The following TPO variants were observed in gnomAD, a reference collection of about 807,000 sequenced individuals.
TPO encodes thyroid microsomal antigen.
In TPO, 78 loss-of-function variants were observed where a neutral mutation model predicts 96.9. That is an observed-to-expected ratio of 0.81 (90% CI 0.67 to 0.97). The LOEUF (loss-of-function observed/expected upper bound fraction) is 0.97, where lower values mean the gene tolerates loss of function less well. Among genes scored for constraint, TPO ranks in the 50% least tolerant of loss-of-function variants. TPO has a pLI of 0.00. For missense variants in TPO, 1,252 were observed against 1,274.8 expected, an observed-to-expected ratio of 0.98 and a Z score of 0.27; for synonymous variants, 547 against 538.0, an observed-to-expected ratio of 1.02 and a Z score of -0.23.
chr2:1,537,083 C>T (rs1322693591), intron 15 of TPO, among the ~76,000 whole-genome samples: 1 of 71,428 alleles, frequency 1.4e-5, no homozygotes, highest in Non-Finnish European at 2.8e-5. Flanking sequence ...TGCAACCTCA[C>T]CAAATCCGTC....
intron 6 of TPO, among the ~76,000 whole-genome samples, chr2:1,454,415 A>G (rs1380510202): frequency 6.6e-6 from 1 of 152,244 alleles, no homozygotes; most frequent in Non-Finnish European, 1.5e-5. Flanking sequence ...GGTGGGACTC[A>G]GGTCTGACTC....
chr2:1,447,711 A>T (rs1471175921), intron 5 of TPO, among the ~76,000 whole-genome samples: 4 of 152,124 alleles, frequency 2.6e-5, no homozygotes, highest in African/African-American at 9.7e-5. Context: ...GTCTATATAG[A>T]GGGGTGTGTG....
intron 10 of TPO, among the ~76,000 whole-genome samples, chr2:1,493,336 A>C (rs931346732): frequency 6.6e-6 from 1 of 152,108 alleles, no homozygotes; most frequent in Non-Finnish European, 1.5e-5. Context: ...GGGCAATAAC[A>C]GGAATGCACT....
intron 1 of TPO, among the ~76,000 whole-genome samples, chr2:1,389,673 A>G (rs1661966060): frequency 1.3e-5 from 2 of 152,008 alleles, no homozygotes; most frequent in East Asian, 1.9e-4. Flanking sequence ...CTGTCCCCAG[A>G]GCCACTCCTG....
At chr2:1,399,889 T>C (rs1662139664) in intron 1 of TPO, among the ~76,000 whole-genome samples, 1 of 152,222 alleles carries the variant, frequency 6.6e-6, no homozygotes, top group South Asian at 2.1e-4. Flanking sequence ...GAAATCTTAC[T>C]TGTTATTTGA....
rs539524426 is a variant in TPO at position 1,383,729 on chromosome 2, A to G, written n.180+9327A>G. 4.9e-3 allele frequency among the ~76,000 whole-genome samples: 753 copies of G among 152,296 alleles called. 8 individuals carry two copies. Among genetic ancestry groups the G allele is most frequent in the South Asian group, 0.014 (67 of 4,832 alleles). The stretch of plus-strand genomic sequence containing the variant: ...TGTGCAGAAGCTCTTTAGTTTAATT[A>G]GATCCCATTTGTCAATTTTGGCTTT... On this transcript the variant is annotated intron_variant and non_coding_transcript_variant, in intron 1 of 5. Coordinates refer to the TPO transcript ENST00000497517.
chr2:1,402,358 C>T (rs1349466285), intron 1 of TPO, among the ~76,000 whole-genome samples: 1 of 152,102 alleles, frequency 6.6e-6, no homozygotes, highest in African/African-American at 2.4e-5. Flanking sequence ...TGCCTGGCCC[C>T]GTGGAATCTC....
intron 2 of TPO, among the ~76,000 whole-genome samples, chr2:1,421,024 G>A (rs189553300): frequency 1.5e-4 from 23 of 152,062 alleles, no homozygotes; most frequent in East Asian, 3.9e-4. Flanking sequence ...GAAAACGGGC[G>A]TTTGGGAGAG....
rs1671339186 is a variant in TPO at position 1,488,000 on chromosome 2, G to A, written c.1768+9G>A. The A allele has an allele frequency of 6.2e-7, 1 of 1,612,538 alleles. No homozygotes were observed. Among genetic ancestry groups the A allele is most frequent in the South Asian group, 1.1e-5 (1 of 91,016 alleles). ...GGACCACGGGCTGCCAGGTCTGCCA[G>A]TTCCTTCCCTTGCACACCTCATGCA... On this transcript the variant is annotated intron_variant, in intron 10 of 16. Transcript: ENST00000329066.
intron 14 of TPO, among the ~76,000 whole-genome samples, chr2:1,504,318 C>T (rs1006172598): frequency 1.3e-5 from 2 of 152,150 alleles, no homozygotes; most frequent in Non-Finnish European, 2.9e-5. Flanking sequence ...GGGACGGCAG[C>T]CAGAATGCAT....
intron 15 of TPO, among the ~76,000 whole-genome samples, chr2:1,521,000 A>G (rs933519468): frequency 1.8e-4 from 28 of 152,064 alleles, no homozygotes; most frequent in African/African-American, 5.3e-4. Flanking sequence ...ATTTTTACCA[A>G]TTCTACTTTT....
chr2:1,522,662 C>T (rs774232858), intron 15 of TPO, among the ~76,000 whole-genome samples: 4 of 152,096 alleles, frequency 2.6e-5, no homozygotes, highest in Admixed American at 6.5e-5. Flanking sequence ...AACCTGGCTT[C>T]GAATGTTCAA....
At chr2:1,526,754 C>A (rs551793433) in intron 15 of TPO, among the ~76,000 whole-genome samples, 2 of 134,724 alleles carry the variant, frequency 1.5e-5, no homozygotes, top group Non-Finnish European at 3.2e-5. Flanking sequence ...CAAATCCCCA[C>A]CACTCTGTGC....
At chr2:1,395,747 T>C (rs1029802715) in intron 1 of TPO, among the ~76,000 whole-genome samples, 8 of 150,748 alleles carry the variant, frequency 5.3e-5, no homozygotes, top group Admixed American at 5.3e-4. Flanking sequence ...TGTGTTCTAG[T>C]GATAGTGTGT....
In TPO at chr2:1,422,179, C is replaced by T. The variant is rs28910013; in HGVS notation, c.95-866C>T. Among the ~76,000 whole-genome samples, 109 of 152,276 alleles carry T rather than the reference C, an allele frequency of 7.2e-4. 2 individuals carry two copies. The East Asian group carries it at 0.021, about 29-fold the overall frequency. On this transcript the variant is annotated intron_variant, in intron 2 of 16. Transcript: ENST00000329066. ...ATCACACTGTAAGAAACTGGGTGGC[C>T]AATGGAACAGACGGAGCAGGGCAGA... is the stretch of plus-strand genomic sequence containing the variant.
intron 1 of TPO, among the ~76,000 whole-genome samples, chr2:1,382,901 A>G (rs1217664211): frequency 1.9e-5 from 2 of 103,308 alleles, no homozygotes; most frequent in African/African-American, 3.9e-5. Flanking sequence ...AACAGGCCCC[A>G]GTGTGTGATG....
chr2:1,413,801 C>G (rs755253456), intron 1 of TPO: 85 of 949,664 alleles, frequency 9.0e-5, no homozygotes, highest in Non-Finnish European at 1.0e-4. Context: ...CTGGTGCTAT[C>G]CTGCTTAACA....
chr2:1,497,005 C>T (rs543842197), intron 13 of TPO, among the ~76,000 whole-genome samples: 10 of 152,076 alleles, frequency 6.6e-5, no homozygotes, highest in African/African-American at 1.4e-4. Flanking sequence ...ATGGGGTCAC[C>T]GGTGAGGGAA....
At chr2:1,538,263 T>C (rs1395389172) in intron 15 of TPO, among the ~76,000 whole-genome samples, 1 of 152,134 alleles carries the variant, frequency 6.6e-6, no homozygotes, top group East Asian at 1.9e-4. Flanking sequence ...GCAGTTAATA[T>C]TTCTCATCTT....
Sources: allele counts gnomAD v4.1 joint callset (sites outside exome capture counted in the v4.1 genomes callset), GRCh38; gene constraint gnomAD v4.1.1; transcripts MANE v1.5; gene names NCBI Gene and HGNC (gene_info 2026-07-23, HGNC 2026-07-21).